Variants in SIRT6 observed in about 807,000 individuals in gnomAD.
SIRT6 encodes the protein NAD-dependent protein deacylase sirtuin-6.
Under a neutral mutation model 33.6 loss-of-function variants are expected in SIRT6, and 21 were observed. That is an observed-to-expected ratio of 0.62 (90% CI 0.44 to 0.90). SIRT6 has a LOEUF of 0.90. Among genes scored for constraint, SIRT6 ranks in the 40% least tolerant of loss-of-function variants. SIRT6 has a pLI of 0.00. For synonymous variants in SIRT6, 221 were observed against 223.9 expected (o/e 0.99, Z 0.12); for missense variants, 504 against 510.6 (o/e 0.99, Z 0.12).
rs746978486 is a variant in SIRT6 at position 4,180,925 on chromosome 19, G to A, written c.67-16C>T. On this transcript the variant is annotated splice_polypyrimidine_tract_variant and intron_variant, in intron 1 of 7. Coordinates refer to ENST00000337491, the MANE Select transcript of SIRT6 (RefSeq NM_016539.4). The stretch of plus-strand genomic sequence containing the variant: ...GGTCGAAGATCTGTGGGGGGAGAGA[G>A]CAGACGGAGGGGTCAAAACAGTTCC... The A allele has an allele frequency of 6.2e-7, 1 of 1,601,746 alleles. No individual in the cohort carries two copies.
In SIRT6 at chr19:4,175,667, TG is replaced by T. The variant is rs889601601; in HGVS notation, c.614+12del. The stretch of plus-strand genomic sequence containing the variant: ...CGCCCCACCATGGGCTCCCTGGGGG[TG>T]GGGGGTCAGACCTGCTGGCCTCATC... On this transcript the variant is annotated intron_variant, in intron 6 of 7. Transcript: ENST00000337491. 1.3e-5 allele frequency: 19 copies of T among 1,503,430 alleles called. No individual in the cohort carries two copies. The highest frequency in any genetic ancestry group is 1.1e-4 in the African/African-American group (8 of 71,708). The allele number at this position is 1,503,430 out of a possible 1,614,324, so 93.1% of individuals were successfully genotyped here.
intron 3 of SIRT6, among the ~76,000 whole-genome samples, chr19:4,178,431 G>T (rs79149760): frequency 1.3e-5 from 2 of 152,130 alleles, no homozygotes; most frequent in Non-Finnish European, 2.9e-5. Context: ...GTTGCCCCAG[G>T]GGTGAGACCT....
At chr19:4,180,717 G>T (rs997134443) in intron 2 of SIRT6, 65 bp downstream of exon 2, 4 of 1,550,482 alleles carry the variant, frequency 2.6e-6, no homozygotes, top group Non-Finnish European at 3.5e-6. Context: ...GATGTGTGTG[G>T]CTCGCAGGGA....
Position 4,182,474 on chromosome 19 carries a change from C to A in SIRT6, c.66G>T (p.Glu22Asp). ...YADKGKCGLP[E>D]IFDPPEELER... ...GCTCGGGACCCTCAGACGCGCTCAC[C>A]TCCGGGAGGCCGCACTTGCCCTTGT... The change falls in exon 1 of 8, where the codon GAG becomes GAT. Residue 22 changes from glutamate (E) to aspartate (D), a missense_variant and splice_region_variant. Physicochemically the swap from Glu to Asp is conservative, Grantham distance 45. Transcript: ENST00000337491. The A allele has an allele frequency of 6.2e-7, 1 of 1,609,776 alleles. No individual in the cohort carries two copies. The highest frequency in any genetic ancestry group is 8.5e-7 in the Non-Finnish European group (1 of 1,178,526).
At chr19:4,175,223 G>A in intron 6 of SIRT6, 72 bp from the exon 7 acceptor site, 16 of 1,520,386 alleles carry the variant, frequency 1.1e-5, no homozygotes, top group East Asian at 2.4e-5. Context: ...CCTGGGGGCC[G>A]GTTCACACCT....
intron 6 of SIRT6, 65 bp downstream of exon 6, chr19:4,175,615 G>A (rs1416618748): frequency 3.2e-5 from 44 of 1,393,426 alleles, no homozygotes; most frequent in Non-Finnish European, 4.2e-5. Context: ...TGCTGGAGCT[G>A]GCTGTGTTTC....
Position 4,175,826 on chromosome 19 carries a change from G to T in SIRT6, c.533+16C>A, listed in dbSNP as rs201513261. On this transcript the variant is annotated intron_variant, in intron 5 of 7. Transcript: ENST00000337491. The stretch of plus-strand genomic sequence containing the variant: ...AGCCTCCCCTGGAGCCCAGGGCATG[G>T]GTGGGGGTGGCTCACCTGCAGGCTC... 3 of 1,555,912 alleles carry T rather than the reference G, an allele frequency of 1.9e-6. No individual in the cohort carries two copies. Among genetic ancestry groups the T allele is most frequent in the Non-Finnish European group, 2.6e-6 (3 of 1,149,670 alleles).
At position 4,174,438 on chromosome 19, in the gene SIRT6, C is replaced by G; in HGVS notation, c.*179G>C. 1.9e-6 allele frequency: 1 copy of G among 514,344 alleles called. No individual in the cohort carries two copies. The highest frequency in any genetic ancestry group is 3.2e-6 in the Non-Finnish European group (1 of 311,124). 31.9% of individuals were successfully genotyped at this position (514,344 alleles called of 1,614,324 possible). A position where few individuals can be genotyped will look rare whatever the true frequency, so the allele number is the denominator to read the frequency against. On this transcript the variant is annotated 3_prime_UTR_variant, in exon 8 of 8. Transcript: ENST00000337491. The surrounding 1 kb of genome is among the most constrained non-coding windows in gnomAD (Gnocchi z 4.2). ...GGGGTGTGGCTTCTTCCCGGAACCG[C>G]ACCAGAGGCCCCTGGAGCCCAGGGA... is the stretch of plus-strand genomic sequence containing the variant.
chr19:4,182,424 C>T (rs768121610), intron 1 of SIRT6, 50 bp downstream of exon 1: 3 of 1,571,370 alleles, frequency 1.9e-6, no homozygotes, highest in African/African-American at 1.4e-5. Flanking sequence ...CCGGCCGCTC[C>T]CAGCCCGCGG....
In SIRT6 at chr19:4,182,541, C is replaced by A; in HGVS notation, c.-2G>T. ...CCCCGCCGCGTAATTCACCGACATC[C>A]TCGACTGCCCCACGGGAACAATAAA... is the stretch of plus-strand genomic sequence containing the variant. On this transcript the variant is annotated 5_prime_UTR_variant, in exon 1 of 8. It adds an upstream start codon to the 5' untranslated region. Coordinates refer to ENST00000337491, the MANE Select transcript of SIRT6 (RefSeq NM_016539.4). 6.2e-7 allele frequency: 1 copy of A among 1,610,418 alleles called. No homozygotes were observed. Among genetic ancestry groups the A allele is most frequent in the African/African-American group, 1.3e-5 (1 of 74,782 alleles).
At position 4,179,086 on chromosome 19, in the gene SIRT6, G is replaced by A; in HGVS notation, c.377+18C>T. The A allele has an allele frequency of 6.2e-7, 1 of 1,609,914 alleles. No homozygotes were observed. Among genetic ancestry groups the A allele is most frequent in the Non-Finnish European group, 8.5e-7 (1 of 1,179,420 alleles). The stretch of plus-strand genomic sequence containing the variant: ...TGGGGCCCCAAGCTCTTTTGTGGGG[G>A]CGGGGCCAGGGTGTTACCTGGGGAA... On this transcript the variant is annotated intron_variant, in intron 3 of 7. Coordinates refer to ENST00000337491, the MANE Select transcript of SIRT6 (RefSeq NM_016539.4).
At chr19:4,180,972 C>A in intron 1 of SIRT6, 63 bp from the exon 2 acceptor site, 3 of 1,496,322 alleles carry the variant, frequency 2.0e-6, no homozygotes, top group Admixed American at 2.3e-5. Flanking sequence ...AGGCCACGCA[C>A]GAGCCACAGA....
At chr19:4,179,323 G>A (rs1967491682) in intron 2 of SIRT6, 37 bp from the exon 3 acceptor site, 1 of 1,541,726 alleles carries the variant, frequency 6.5e-7, no homozygotes, top group Non-Finnish European at 8.8e-7. Flanking sequence ...GACGGGGAGA[G>A]GGGAACAGAA....
Position 4,179,172 on chromosome 19 carries a change from G to T in SIRT6, c.309C>A (p.Arg103=). The change falls in exon 3 of 8, where the codon CGC becomes CGA. Residue 103 remains arginine (R), a synonymous_variant. Transcript: ENST00000337491. ...QTHMALVQLE[R]VGLLRFLVSQ... ...TGACCAGGAAGCGGAGGAGGCCCAC[G>T]CGCTCCAGCTGCACCAGCGCCATGT... is the stretch of plus-strand genomic sequence containing the variant. 6.2e-7 allele frequency: 1 copy of T among 1,612,182 alleles called. No individual in the cohort carries two copies. Among genetic ancestry groups the T allele is most frequent in the Non-Finnish European group, 8.5e-7 (1 of 1,179,714 alleles).
Position 4,175,889 on chromosome 19 carries a change from C to T in SIRT6, c.486G>A (p.Thr162=), listed in dbSNP as rs749485870. 1.1e-5 allele frequency: 18 copies of T among 1,568,846 alleles called. No individual in the cohort carries two copies. The highest frequency in any genetic ancestry group is 9.4e-5 in the African/African-American group (7 of 74,222). ...CCTTAGCCACGGTGCAGAGCCGGCC[C>T]GTGGCCTTCAGGCCCATGGTGCCCA... The part of the protein sequence containing the change: ...TVVGTMGLKA[T]GRLCTVAKAR... Residue 162 remains threonine, a synonymous_variant, in exon 5 of 8, where the codon ACG becomes ACA. Transcript: ENST00000337491.
Position 4,178,987 on chromosome 19 carries a change from C to A in SIRT6, c.377+117G>T, listed in dbSNP as rs116447717. On this transcript the variant is annotated intron_variant, in intron 3 of 7. Transcript: ENST00000337491. ...GACTCAGAGATCTCCACACACTGGGCCAAGAACTCAGGGCTAGAATCTTAT... is the reference window on the plus strand; with the variant it reads ...GACTCAGAGATCTCCACACACTGGGACAAGAACTCAGGGCTAGAATCTTAT... 1,130 of 1,338,504 alleles carry A rather than the reference C, an allele frequency of 8.4e-4. 8 individuals are homozygous for A. In the African/African-American group the frequency reaches 0.015, roughly 17 times the overall value. 82.9% of individuals were successfully genotyped at this position (1,338,504 alleles called of 1,614,324 possible). A position where few individuals can be genotyped will look rare whatever the true frequency, so the allele number is the denominator to read the frequency against.
In SIRT6 at chr19:4,179,300, G is replaced by T; in HGVS notation, c.195-14C>A. ...CCGTGGGGACCCCTGAAGGTGGCAG[G>T]CCGGGAGAGATGGACGGGGAGAGGG... On this transcript the variant is annotated splice_polypyrimidine_tract_variant and intron_variant, in intron 2 of 7. Coordinates refer to ENST00000337491, the MANE Select transcript of SIRT6 (RefSeq NM_016539.4). 6.3e-7 allele frequency: 1 copy of T among 1,583,372 alleles called. No homozygotes were observed. The highest frequency in any genetic ancestry group is 8.6e-7 in the Non-Finnish European group (1 of 1,163,460).
intron 2 of SIRT6, chr19:4,179,555 G>A: frequency 2.0e-6 from 1 of 507,714 alleles, no homozygotes; most frequent in Non-Finnish European, 3.5e-6. Context: ...ACAGAGAGAG[G>A]GAGAGGCAGA....
chr19:4,176,195 C>T (rs1967294735), intron 4 of SIRT6, among the ~76,000 whole-genome samples: 1 of 152,192 alleles, frequency 6.6e-6, no homozygotes, highest in African/African-American at 2.4e-5. Flanking sequence ...GCATGGGATC[C>T]CGGACCAGGA....
Sources: allele counts gnomAD v4.1 joint callset (sites outside exome capture counted in the v4.1 genomes callset), GRCh38; gene constraint gnomAD v4.1.1; non-coding constraint Gnocchi (gnomAD v3.1); transcripts MANE v1.5; gene names NCBI Gene and HGNC (gene_info 2026-07-23, HGNC 2026-07-21).